ATXN2L: variants seen among roughly 807,000 people sequenced by gnomAD.
ATXN2L encodes the protein ataxin 2 like.
In ATXN2L, 24 loss-of-function variants were observed where a neutral mutation model predicts 120.7. That is an observed-to-expected ratio of 0.20 (90% confidence interval 0.14 to 0.28). The LOEUF (loss-of-function observed/expected upper bound fraction) is 0.28, where lower values mean the gene tolerates loss of function less well. Among genes scored for constraint, ATXN2L ranks in the 10% least tolerant of loss-of-function variants. The pLI, the probability that ATXN2L is intolerant of heterozygous loss-of-function variation, is 1.00. For synonymous variants in ATXN2L, 653 were observed against 568.1 expected (o/e 1.15, Z -2.13); for missense variants, 1,312 against 1,432.3 (o/e 0.92, Z 1.36).
chr16:28,828,254 C>T (rs2052977632), intron 6 of ATXN2L, among the ~76,000 whole-genome samples: 1 of 152,148 alleles, frequency 6.6e-6, no homozygotes, highest in African/African-American at 2.4e-5. Flanking sequence ...TTCAGGTTTA[C>T]TAGTTATTGA....
intron 10 of ATXN2L, among the ~76,000 whole-genome samples, 197 bp from the exon 11 acceptor site, chr16:28,832,008 C>A (rs915289945): frequency 1.3e-5 from 2 of 152,216 alleles, no homozygotes; most frequent in African/African-American, 4.8e-5. Flanking sequence ...CCCTGCCACT[C>A]CTTTAAGCAT....
At chr16:28,832,908 G>C in intron 13 of ATXN2L, 21 bp downstream of exon 13, 5 of 1,613,636 alleles carry the variant, frequency 3.1e-6, no homozygotes, top group Non-Finnish European at 4.2e-6. Context: ...AGTGAGCTGG[G>C]ATATTAGCAG....
At position 28,830,935 on chromosome 16, in the gene ATXN2L, TC is replaced by T. The variant is rs769055740; in HGVS notation, c.1211-26del. 5 of 963,308 alleles carry T rather than the reference TC, an allele frequency of 5.2e-6. No individual in the cohort carries two copies. In the African/African-American group the frequency reaches 6.6e-5, roughly 13 times the overall value. 59.7% of individuals were successfully genotyped at this position (963,308 alleles called of 1,614,324 possible). A position where few individuals can be genotyped will look rare whatever the true frequency, so the allele number is the denominator to read the frequency against. ...TCGTCTGCCTCCTGACATTTTCTTC[TC>T]AAAAAAAAAAAAAAAAACCAAACAG... On this transcript the variant is annotated intron_variant, in intron 9 of 21. Coordinates refer to ENST00000336783, the MANE Select transcript of ATXN2L (RefSeq NM_007245.4).
chr16:28,825,519 C>A, intron 2 of ATXN2L, 105 bp from the exon 3 acceptor site: 1 of 1,525,302 alleles, frequency 6.6e-7, no homozygotes, highest in Non-Finnish European at 9.1e-7. Flanking sequence ...GCTGTGGGCC[C>A]GGCACACACA....
chr16:28,831,233 A>C (rs2054284687), intron 10 of ATXN2L, among the ~76,000 whole-genome samples, 161 bp downstream of exon 10: 1 of 151,580 alleles, frequency 6.6e-6, no homozygotes, highest in South Asian at 2.1e-4. Context: ...CGATTTCCCT[A>C]GTGCAGAAAT....
In ATXN2L at chr16:28,836,887, A is replaced by G. The variant is rs773330769; in HGVS notation, c.*622A>G. ...CCAGCCCCCCATCCCCCCGTTCCCC[A>G]GGGGAGCTGGGGAATTCCTGCCAAG... On this transcript the variant is annotated 3_prime_UTR_variant, in exon 22 of 22. Coordinates refer to ENST00000336783, the MANE Select transcript of ATXN2L (RefSeq NM_007245.4). 11 of 1,202,408 alleles carry G rather than the reference A, an allele frequency of 9.1e-6. No individual in the cohort carries two copies. Among genetic ancestry groups the G allele is most frequent in the Admixed American group, 8.1e-5 (4 of 49,644 alleles). 74.5% of individuals were successfully genotyped at this position (1,202,408 alleles called of 1,614,324 possible). A position where few individuals can be genotyped will look rare whatever the true frequency, so the allele number is the denominator to read the frequency against.
intron 1 of ATXN2L, chr16:28,823,771 T>C (rs2050484164): frequency 2.2e-6 from 1 of 446,386 alleles, no homozygotes; most frequent in South Asian, 1.1e-4. Flanking sequence ...CGCTCGGCTC[T>C]CGGGGCCTAG....
chr16:28,833,960 T>C (rs2055529310), intron 15 of ATXN2L, 105 bp from the exon 16 acceptor site: 1 of 1,288,140 alleles, frequency 7.8e-7, no homozygotes, highest in Non-Finnish European at 1.1e-6. Context: ...GTGCAGAATA[T>C]GTTTGGTATG....
In ATXN2L at chr16:28,831,063, C is replaced by G; in HGVS notation, c.1312C>G (p.Pro438Ala). 1 of 1,602,576 alleles carries G rather than the reference C, an allele frequency of 6.2e-7. No homozygotes were observed. Residue 438 changes from proline to alanine, a missense_variant, in exon 10 of 22, where the codon CCT (proline) becomes GCT (alanine). Physicochemically the swap from Pro to Ala is conservative, Grantham distance 27. Coordinates refer to ENST00000336783, the MANE Select transcript of ATXN2L (RefSeq NM_007245.4). ...RPSGETSVPP[P>A]PAVGRMYPPR... ...TTCTGGAGAAACTTCTGTTCCACCT[C>G]CTCCTGCAGGTAAAGCTTTAGTAGT...
At position 28,832,577 on chromosome 16, in the gene ATXN2L, G is replaced by T. The variant is rs563502576; in HGVS notation, c.1588+10G>T. The T allele has an allele frequency of 5.0e-6, 8 of 1,613,242 alleles. No individual in the cohort carries two copies. The highest frequency in any genetic ancestry group is 3.3e-5 in the South Asian group (3 of 91,060). On this transcript the variant is annotated intron_variant, in intron 12 of 21. Coordinates refer to ENST00000336783, the MANE Select transcript of ATXN2L (RefSeq NM_007245.4). ...CGGATAGCTGGGAAAGGTGAGGGTGGTTTTTTTTCTGCTGAGGATTAATGC... is the reference window on the plus strand; with the variant it reads ...CGGATAGCTGGGAAAGGTGAGGGTGTTTTTTTTTCTGCTGAGGATTAATGC...
intron 4 of ATXN2L, 156 bp from the exon 5 acceptor site, chr16:28,826,084 A>G: frequency 1.1e-6 from 1 of 934,358 alleles, no homozygotes; most frequent in Non-Finnish European, 1.6e-6. Flanking sequence ...TTGAGAAAAC[A>G]ATGCACTTGG....
intron 1 of ATXN2L, among the ~76,000 whole-genome samples, chr16:28,825,057 TA>T (rs369989480): frequency 1.3e-3 from 174 of 137,522 alleles, no homozygotes; most frequent in Middle Eastern, 3.7e-3. Context: ...TACTAAAAAT[TA>T]AAAAAAAAAA....
At chr16:28,828,174 A>G (rs1244229661) in intron 6 of ATXN2L, among the ~76,000 whole-genome samples, 3 of 152,198 alleles carry the variant, frequency 2.0e-5, no homozygotes, top group African/African-American at 7.2e-5. Flanking sequence ...TAGAACATAT[A>G]TTCCCCACGC....
intron 4 of ATXN2L, 40 bp from the exon 5 acceptor site, chr16:28,826,200 T>G (rs1251367155): frequency 6.2e-7 from 1 of 1,605,854 alleles, no homozygotes; most frequent in Admixed American, 1.7e-5. Flanking sequence ...TCACTTTTCT[T>G]GAAACTGACC....
At chr16:28,827,061 G>T (rs2052350600) in intron 6 of ATXN2L, 75 bp downstream of exon 6, 2 of 1,317,274 alleles carry the variant, frequency 1.5e-6, no homozygotes, top group Admixed American at 5.8e-5. Context: ...TCATTTGAGT[G>T]GGGAGGGAAA....
intron 7 of ATXN2L, 124 bp downstream of exon 7, chr16:28,829,616 ACTC>A (rs1318907866): frequency 7.5e-6 from 6 of 804,468 alleles, no homozygotes; most frequent in Non-Finnish European, 1.2e-5. Flanking sequence ...CGCCATCCCT[ACTC>A]CTACTCTGCC....
rs769633595 is a variant in ATXN2L, at chr16:28,829,957, A to G, written c.933A>G (p.Leu311=). 9 of 1,614,088 alleles carry G rather than the reference A, an allele frequency of 5.6e-6. No homozygotes were observed. In the African/African-American group the frequency reaches 9.3e-5, roughly 17 times the overall value. ...REIESSPQYR[L]RIAMENDDGR... is the part of the protein sequence containing the mutation. ...TTGAATCAAGCCCCCAGTACCGCCTACGGATCGCCATGGAGAACGACGATG... is the reference window on the plus strand; with the variant it reads ...TTGAATCAAGCCCCCAGTACCGCCTGCGGATCGCCATGGAGAACGACGATG... Residue 311 remains leucine (L), a synonymous_variant, in exon 8 of 22, where the codon CTA becomes CTG. Transcript: ENST00000336783.
chr16:28,824,312 T>C, intron 1 of ATXN2L: 1 of 1,199,218 alleles, frequency 8.3e-7, no homozygotes, highest in Non-Finnish European at 1.1e-6. Flanking sequence ...TTAATGGAAT[T>C]AAGAGTGGCA....
chr16:28,826,454 G>A, intron 5 of ATXN2L, 64 bp downstream of exon 5: 2 of 1,546,626 alleles, frequency 1.3e-6, no homozygotes, highest in African/African-American at 1.4e-5. Flanking sequence ...GGTAGTTTGT[G>A]TGCAGGTGGA....
Sources: allele counts gnomAD v4.1 joint callset (sites outside exome capture counted in the v4.1 genomes callset), GRCh38; gene constraint gnomAD v4.1.1; transcripts MANE v1.5; gene names NCBI Gene and HGNC (gene_info 2026-07-23, HGNC 2026-07-21).